The following SERPINF2 variants were observed in gnomAD, a reference collection of about 807,000 sequenced individuals.
SERPINF2 encodes serpin family F member 2.
SERPINF2 carries 15 observed loss-of-function variants against 45.0 expected under a neutral mutation model. The observed-to-expected ratio is 0.33, with a 90% CI of 0.22 to 0.51. The LOEUF (loss-of-function observed/expected upper bound fraction) is 0.51. Ranked by LOEUF, SERPINF2 falls within the 20% of genes least tolerant of loss-of-function variation. SERPINF2 has a pLI of 0.97. For synonymous variants in SERPINF2, 283 were observed against 277.9 expected (o/e 1.02, Z -0.18); for missense variants, 518 against 637.4 (o/e 0.81, Z 2.02).
chr17:1,745,483 G>A lies in SERPINF2; in HGVS notation c.165+88G>A, dbSNP rs1364673483. 1.4e-6 allele frequency: 2 copies of A among 1,454,612 alleles called. No homozygotes were observed. Among genetic ancestry groups the A allele is most frequent in the East Asian group, 4.7e-5 (2 of 42,906 alleles). 90.1% of individuals were successfully genotyped at this position (1,454,612 alleles called of 1,614,324 possible). ...GGGTCGGGGGGTGGGGGCGCGTGCTGAGGCTGAGGCTCTGGAGTCCAGAGG... is the reference window on the plus strand; with the variant it reads ...GGGTCGGGGGGTGGGGGCGCGTGCTAAGGCTGAGGCTCTGGAGTCCAGAGG... On this transcript the variant is annotated intron_variant, in intron 4 of 9. Transcript: ENST00000453066. The surrounding 1 kb of genome is among the most constrained non-coding windows in gnomAD (Gnocchi z 6.2).
chr17:1,754,873 C>G lies in SERPINF2; in HGVS notation c.*339C>G, dbSNP rs1906723904. The G allele has an allele frequency of 2.5e-6, 1 of 397,234 alleles. No individual in the cohort carries two copies. Among genetic ancestry groups the G allele is most frequent in the African/African-American group, 2.1e-5 (1 of 48,764 alleles). The allele number at this position is 397,234 out of a possible 1,614,324, so 24.6% of individuals were successfully genotyped here. On this transcript the variant is annotated 3_prime_UTR_variant, in exon 10 of 10. Coordinates refer to ENST00000453066, the MANE Select transcript of SERPINF2 (RefSeq NM_000934.4). Reference sequence around the variant, plus strand: ...GCTGGGACACCCCGACTTTTGTTTACCAGAGAAAAAGGGAGGGGGAGAGGG... The same window carrying G: ...GCTGGGACACCCCGACTTTTGTTTAGCAGAGAAAAAGGGAGGGGGAGAGGG...
chr17:1,754,658 T>G lies in SERPINF2; in HGVS notation c.*124T>G. The G allele has an allele frequency of 7.6e-6, 5 of 661,508 alleles. No individual in the cohort carries two copies. Among genetic ancestry groups the G allele is most frequent in the Non-Finnish European group, 9.0e-6 (4 of 444,760 alleles). 41.0% of individuals were successfully genotyped at this position (661,508 alleles called of 1,614,324 possible). Reference sequence around the variant, plus strand: ...GGGCAGTCTGAGAGAGGCCATTCTTTCCCAACACCTCTTGGGGAGTTTAGG... The same window carrying G: ...GGGCAGTCTGAGAGAGGCCATTCTTGCCCAACACCTCTTGGGGAGTTTAGG... On this transcript the variant is annotated 3_prime_UTR_variant, in exon 10 of 10. Coordinates refer to ENST00000453066, the MANE Select transcript of SERPINF2 (RefSeq NM_000934.4).
chr17:1,745,103 G>A lies in SERPINF2; in HGVS notation c.63+45G>A. ...AAGGTGGGGTGGGGTGGAGGGGGAA[G>A]AAGAGGGGCGTTGGCATGGAGGGAG... On this transcript the variant is annotated intron_variant, in intron 2 of 9. Transcript: ENST00000453066. The surrounding 1 kb of genome is among the most constrained non-coding windows in gnomAD (Gnocchi z 6.2). The A allele has an allele frequency of 3.1e-6, 5 of 1,607,862 alleles. No individual in the cohort carries two copies. The highest frequency in any genetic ancestry group is 4.2e-6 in the Non-Finnish European group (5 of 1,178,194).
chr17:1,744,242 C>T (rs1444417408), intron 1 of SERPINF2, among the ~76,000 whole-genome samples: 1 of 151,378 alleles, frequency 6.6e-6, no homozygotes, highest in African/African-American at 2.4e-5. Flanking sequence ...CCTGTAATCC[C>T]AGTACTTTGG....
chr17:1,749,984 T>A (rs1412947045), intron 8 of SERPINF2, among the ~76,000 whole-genome samples: 4 of 151,906 alleles, frequency 2.6e-5, no homozygotes, highest in Non-Finnish European at 5.9e-5. Flanking sequence ...CTTCTTTTTT[T>A]TTTTTTTGAG....
At chr17:1,744,407 C>T (rs187051145) in intron 1 of SERPINF2, among the ~76,000 whole-genome samples, 141 of 152,122 alleles carry the variant, frequency 9.3e-4, no homozygotes, top group Admixed American at 3.3e-3. Context: ...GCAGGAGAAT[C>T]GCTTGAACCT....
chr17:1,748,302 TAAA>T (rs552756412), intron 7 of SERPINF2, among the ~76,000 whole-genome samples: 98 of 140,930 alleles, frequency 7.0e-4, no homozygotes, highest in Non-Finnish European at 1.0e-3. Context: ...AGACTCCGTC[TAAA>T]AAAAAAAAAA....
rs373323372 is a variant in SERPINF2, at chr17:1,745,158, C to A, written c.64-17C>A. 4.8e-5 allele frequency: 76 copies of A among 1,578,086 alleles called. No individual in the cohort carries two copies. Among genetic ancestry groups the A allele is most frequent in the Non-Finnish European group, 6.4e-5 (74 of 1,162,486 alleles). ...TGGCTCCGAGGGGACCTCCTATCCT[C>A]ATCCCTTTCTCCACAGTTCTCCCCT... On this transcript the variant is annotated splice_polypyrimidine_tract_variant and intron_variant, in intron 2 of 9. Coordinates refer to ENST00000453066, the MANE Select transcript of SERPINF2 (RefSeq NM_000934.4). This position sits in a 1 kb window ranked among gnomAD's most constrained non-coding sequence, Gnocchi z 6.2.
chr17:1,752,531 C>A lies in SERPINF2; in HGVS notation c.859-55C>A, dbSNP rs774507204. On this transcript the variant is annotated intron_variant, in intron 8 of 9. Coordinates refer to ENST00000453066, the MANE Select transcript of SERPINF2 (RefSeq NM_000934.4). ...CTTAGGAGCACCTGCTGGCCCCACC[C>A]CCACTTAGCTTCGGGGCTTTCTGTC... 20 of 1,552,154 alleles carry A rather than the reference C, an allele frequency of 1.3e-5. No homozygotes were observed. The Admixed American group carries it at 1.8e-4, about 14-fold the overall frequency.
rs1306997563 is a variant in SERPINF2 at position 1,752,609 on chromosome 17, C to T, written c.882C>T (p.Asn294=). The part of the protein sequence containing the change: ...EIQVAHFPFK[N]NMSFVVLVPT... ...AGGTGGCTCATTTCCCCTTTAAGAA[C>T]AACATGAGCTTTGTGGTCCTTGTAC... Residue 294 remains asparagine (N), a synonymous_variant, in exon 9 of 10, where the codon AAC becomes AAT. Coordinates refer to ENST00000453066, the MANE Select transcript of SERPINF2 (RefSeq NM_000934.4). 1 of 1,614,136 alleles carries T rather than the reference C, an allele frequency of 6.2e-7. No homozygotes were observed. Among genetic ancestry groups the T allele is most frequent in the Admixed American group, 1.7e-5 (1 of 60,012 alleles).
intron 8 of SERPINF2, among the ~76,000 whole-genome samples, chr17:1,752,159 C>T (rs1006206565): frequency 6.6e-6 from 1 of 151,736 alleles, no homozygotes; most frequent in African/African-American, 2.4e-5. Flanking sequence ...TCAAGCAATT[C>T]TCCTGCCTCA....
At chr17:1,750,383 G>A (rs1200886981) in intron 8 of SERPINF2, among the ~76,000 whole-genome samples, 6 of 151,842 alleles carry the variant, frequency 4.0e-5, no homozygotes, top group African/African-American at 1.2e-4. Context: ...TCCTGACCTC[G>A]TGATCCGCCT....
Position 1,754,241 on chromosome 17 carries a change from G to A in SERPINF2, c.1183G>A (p.Ala395Thr). 1 of 1,614,030 alleles carries A rather than the reference G, an allele frequency of 6.2e-7. No homozygotes were observed. Reference protein sequence around the residue: ...ELSEVGVEAAAATSIAMSRMS... With the variant: ...ELSEVGVEAATATSIAMSRMS... ...CAGCGAGGTCGGCGTGGAGGCGGCG[G>A]CGGCCACCAGCATTGCCATGTCCCG... Residue 395 changes from alanine (A) to threonine (T), a missense_variant, in exon 10 of 10, where the codon GCG (alanine) becomes ACG (threonine). Around this residue, in one of 2 missense-constraint regions of SERPINF2, gnomAD observed 435 missense variants for 577.3 expected, o/e 0.75. Coordinates refer to ENST00000453066, the MANE Select transcript of SERPINF2 (RefSeq NM_000934.4).
At chr17:1,752,893 T>A in intron 9 of SERPINF2, 103 bp downstream of exon 9, 1 of 1,001,530 alleles carries the variant, frequency 1.0e-6, no homozygotes. Context: ...CTGTCCTGTG[T>A]CCTGCTCTTT....
rs1906673674 is a variant in SERPINF2 at position 1,754,445 on chromosome 17, T to C, written c.1387T>C (p.Phe463Leu). Residue 463 changes from phenylalanine to leucine, a missense_variant, in exon 10 of 10, where the codon TTC (phenylalanine) becomes CTC (leucine). By Grantham distance (22) the Phe-to-Leu change is conservative. Coordinates refer to ENST00000453066, the MANE Select transcript of SERPINF2 (RefSeq NM_000934.4). ...GGACTTCCTCCAGAGCCTGAAAGGC[T>C]TCCCCCGCGGAGACAAGCTTTTCGG... ...NKDFLQSLKG[F>L]PRGDKLFGPD... The C allele has an allele frequency of 3.1e-6, 5 of 1,610,432 alleles. No individual in the cohort carries two copies. In the East Asian group the frequency reaches 1.1e-4, roughly 36 times the overall value.
chr17:1,746,886 G>T, intron 5 of SERPINF2, 133 bp from the exon 6 acceptor site: 1 of 1,238,238 alleles, frequency 8.1e-7, no homozygotes, highest in South Asian at 1.5e-5. Flanking sequence ...ACGCAGAACA[G>T]ATCCGTGGCT....
intron 8 of SERPINF2, among the ~76,000 whole-genome samples, chr17:1,749,269 A>G (rs1162914617): frequency 6.6e-6 from 1 of 152,204 alleles, no homozygotes; most frequent in African/African-American, 2.4e-5. Context: ...TACTAAAAAT[A>G]CAAAAATTAG....
At position 1,747,459 on chromosome 17, in the gene SERPINF2, C is replaced by T; in HGVS notation, c.662C>T (p.Ser221Phe). The T allele has an allele frequency of 1.9e-6, 3 of 1,614,166 alleles. No individual in the cohort carries two copies. The highest frequency in any genetic ancestry group is 2.5e-6 in the Non-Finnish European group (3 of 1,180,030). Residue 221 changes from serine to phenylalanine, a missense_variant, in exon 7 of 10, where the codon TCT (serine) becomes TTT (phenylalanine). By Grantham distance (155) the Ser-to-Phe change is radical. This residue lies in a region of SERPINF2 where 435 missense variants were observed against 577.3 expected (regional missense o/e 0.75). Coordinates refer to ENST00000453066, the MANE Select transcript of SERPINF2 (RefSeq NM_000934.4). ...ATEGKIQEFL[S>F]GLPEDTVLLL... ...GAGGGGAAGATTCAGGAATTCCTCT[C>T]TGGGCTGCCGGAAGACACCGTGTTG... is the stretch of plus-strand genomic sequence containing the variant.
intron 8 of SERPINF2, among the ~76,000 whole-genome samples, chr17:1,749,094 T>G (rs1906132595): frequency 1.3e-5 from 2 of 152,180 alleles, no homozygotes; most frequent in Admixed American, 1.3e-4. Flanking sequence ...ACACAGGAAT[T>G]CCAGACGCTG....
Sources: gnomAD v4.1 joint callset for allele counts (sites outside exome capture counted in the v4.1 genomes callset) on GRCh38, gnomAD v4.1.1 for gene constraint, gnomAD v4.1.1 regional missense constraint, Gnocchi (gnomAD v3.1) non-coding constraint, MANE v1.5 for transcripts, NCBI Gene and HGNC (gene_info 2026-07-23, HGNC 2026-07-21) for gene names.